The following QTMAN variants were observed in gnomAD, a reference collection of about 807,000 sequenced individuals.
The protein encoded by QTMAN is tRNA-queuosine alpha-mannosyltransferase.
the QTMAN span, among the ~76,000 whole-genome samples, chr2:144,075,384 T>TA: frequency 2.0e-5 from 3 of 152,264 alleles, no homozygotes; most frequent in Non-Finnish European, 4.4e-5. Context: ...CTACTTTAAT[T>TA]AAGCATGGGA....
the QTMAN span, among the ~76,000 whole-genome samples, chr2:144,066,553 C>T: frequency 2.0e-5 from 3 of 152,244 alleles, no homozygotes; most frequent in South Asian, 2.1e-4. Flanking sequence ...CAGCGGCTTA[C>T]GCCTGTAATC....
chr2:144,306,789 GTT>G, the QTMAN span, among the ~76,000 whole-genome samples: 2 of 152,140 alleles, frequency 1.3e-5, no homozygotes. Flanking sequence ...AAAAAATGGA[GTT>G]TATCATAAAA....
the QTMAN span, among the ~76,000 whole-genome samples, chr2:144,112,187 A>C: frequency 6.6e-6 from 1 of 152,244 alleles, no homozygotes. Context: ...AATATCTAGA[A>C]AGTCTGCTAT....
At chr2:144,290,316 C>T in the QTMAN span, among the ~76,000 whole-genome samples, 1 of 152,228 alleles carries the variant, frequency 6.6e-6, no homozygotes. Flanking sequence ...GTCATAATAT[C>T]CCAATGTTCT....
chr2:143,981,152 T>C, the QTMAN span, among the ~76,000 whole-genome samples: 1 of 152,232 alleles, frequency 6.6e-6, no homozygotes, highest in Non-Finnish European at 1.5e-5. Context: ...TTCATATTTA[T>C]TTGTATGCTG....
chr2:144,021,015 A>T, the QTMAN span, among the ~76,000 whole-genome samples: 3 of 152,130 alleles, frequency 2.0e-5, no homozygotes, highest in Non-Finnish European at 2.9e-5. Flanking sequence ...GGGAAAAGAG[A>T]TAAAATAAGG....
At chr2:144,103,090 T>C in the QTMAN span, among the ~76,000 whole-genome samples, 1 of 152,196 alleles carries the variant, frequency 6.6e-6, no homozygotes, top group African/African-American at 2.4e-5. Context: ...ATGGTGGTGA[T>C]GATGAAGATG....
the QTMAN span, among the ~76,000 whole-genome samples, chr2:144,207,757 C>T: frequency 3.3e-5 from 5 of 152,248 alleles, no homozygotes; most frequent in South Asian, 8.3e-4. Flanking sequence ...CAAGGGGATT[C>T]CATCCTACCT....
the QTMAN span, among the ~76,000 whole-genome samples, chr2:144,131,608 A>G: frequency 6.6e-6 from 1 of 151,890 alleles, no homozygotes; most frequent in Non-Finnish European, 1.5e-5. Flanking sequence ...ACCTCCTCAC[A>G]CAACTAAGTC....
the QTMAN span, among the ~76,000 whole-genome samples, chr2:144,269,804 T>C: frequency 1.3e-5 from 2 of 151,760 alleles, no homozygotes; most frequent in Non-Finnish European, 2.9e-5. Context: ...TTAATTACTA[T>C]GCTATCCAAC....
chr2:144,103,880 A>T, the QTMAN span, among the ~76,000 whole-genome samples: 1 of 152,152 alleles, frequency 6.6e-6, no homozygotes, highest in Non-Finnish European at 1.5e-5. Context: ...ACTTGAGGTC[A>T]GGAGCTCAAG....
chr2:144,010,781 G>A, the QTMAN span, among the ~76,000 whole-genome samples: 3 of 152,186 alleles, frequency 2.0e-5, no homozygotes, highest in East Asian at 3.9e-4. Flanking sequence ...CTGGTTAAGT[G>A]ACAAACAGAA....
chr2:144,124,521 A>T, the QTMAN span, among the ~76,000 whole-genome samples: 1 of 152,126 alleles, frequency 6.6e-6, no homozygotes, highest in Non-Finnish European at 1.5e-5. Flanking sequence ...TAAGCCACAG[A>T]GTGGAAGCTC....
the QTMAN span, among the ~76,000 whole-genome samples, chr2:144,329,976 A>AT: frequency 6.6e-6 from 1 of 152,212 alleles, no homozygotes; most frequent in Non-Finnish European, 1.5e-5. Context: ...GCCAACAAGT[A>AT]TTTACTAAAT....
the QTMAN span, among the ~76,000 whole-genome samples, chr2:144,191,668 A>T: frequency 6.6e-6 from 1 of 152,226 alleles, no homozygotes; most frequent in African/African-American, 2.4e-5. Context: ...TAAGAAAGAC[A>T]AAGTCTCTGC....
At chr2:144,115,158 G>C in the QTMAN span, among the ~76,000 whole-genome samples, 1 of 151,228 alleles carries the variant, frequency 6.6e-6, no homozygotes, top group Non-Finnish European at 1.5e-5. Context: ...TTGAACCCAG[G>C]AGGCGGAGGT....
At chr2:144,005,187 T>C in the QTMAN span, among the ~76,000 whole-genome samples, 2 of 152,178 alleles carry the variant, frequency 1.3e-5, no homozygotes, top group Non-Finnish European at 2.9e-5. Context: ...AGGTAAACTA[T>C]ATTAACCTTA....
At chr2:144,090,186 A>C in the QTMAN span, among the ~76,000 whole-genome samples, 1 of 152,070 alleles carries the variant, frequency 6.6e-6, no homozygotes, top group African/African-American at 2.4e-5. Context: ...TAAAACTCTC[A>C]GTGCACTAGG....
chr2:144,093,064 G>A, the QTMAN span, among the ~76,000 whole-genome samples: 5 of 152,050 alleles, frequency 3.3e-5, no homozygotes, highest in Non-Finnish European at 5.9e-5. Flanking sequence ...TTACATGACC[G>A]CATTTTTCTT....
Sources: allele counts gnomAD v4.1 joint callset (sites outside exome capture counted in the v4.1 genomes callset), GRCh38; gene constraint gnomAD v4.1.1; transcripts MANE v1.5; gene names NCBI Gene and HGNC (gene_info 2026-07-23, HGNC 2026-07-21).